The following CUL3 variants were observed in gnomAD, a reference collection of about 807,000 sequenced individuals.
The protein encoded by CUL3 is cullin-3.
A neutral mutation model predicts 89.1 loss-of-function variants in CUL3; 19 were observed. The ratio of observed to expected loss-of-function variants is 0.21; its 90% CI spans 0.15 to 0.31. The LOEUF (loss-of-function observed/expected upper bound fraction) is 0.31, where lower values mean the gene tolerates loss of function less well. Among genes scored for constraint, CUL3 ranks in the 10% least tolerant of loss-of-function variants. CUL3 has a pLI of 1.00. For synonymous variants in CUL3, 351 were observed against 308.4 expected (o/e 1.14, Z -1.45); for missense variants, 469 against 942.3 (o/e 0.50, Z 6.58).
At chr2:224,530,285 A>G (rs1285579536) in intron 3 of CUL3, among the ~76,000 whole-genome samples, 1 of 152,124 alleles carries the variant, frequency 6.6e-6, no homozygotes, top group African/African-American at 2.4e-5. Flanking sequence ...AAAGTCAGCT[A>G]GCTGATTAGG....
At chr2:224,537,541 A>G (rs1478501944) in intron 2 of CUL3, among the ~76,000 whole-genome samples, 1 of 152,174 alleles carries the variant, frequency 6.6e-6, no homozygotes, top group Non-Finnish European at 1.5e-5. Flanking sequence ...AACTCATTAA[A>G]TCTAGCACTT....
chr2:224,519,573 G>A (rs1693186752), intron 3 of CUL3, among the ~76,000 whole-genome samples: 1 of 152,092 alleles, frequency 6.6e-6, no homozygotes, highest in Admixed American at 6.5e-5. Context: ...ATAAAAAAGA[G>A]CTAATAAATG....
chr2:224,512,270 G>T (rs1031393754), intron 5 of CUL3, among the ~76,000 whole-genome samples: 1 of 151,836 alleles, frequency 6.6e-6, no homozygotes, highest in African/African-American at 2.4e-5. Flanking sequence ...TAATTTTTTT[G>T]TATTTTTAGT....
chr2:224,499,131 G>A (rs988560511), intron 11 of CUL3, among the ~76,000 whole-genome samples: 2 of 152,124 alleles, frequency 1.3e-5, no homozygotes, highest in African/African-American at 4.8e-5. Flanking sequence ...TTTAAGTGTA[G>A]GCAAGTCGAA....
rs181305962 is a variant in CUL3, at chr2:224,507,797, T to C, written c.884-794A>G. 6.6e-5 allele frequency among the ~76,000 whole-genome samples: 10 copies of C among 152,300 alleles called. 1 individual carries two copies. In the East Asian group the frequency reaches 1.9e-3, roughly 29 times the overall value. The stretch of plus-strand genomic sequence containing the variant: ...GTTTTCCCATATGTCTAGTGTTTCT[T>C]TGCAATAACAACTTACTGGGAGAAC... On this transcript the variant is annotated intron_variant, in intron 6 of 15. Coordinates refer to ENST00000264414, the MANE Select transcript of CUL3 (RefSeq NM_003590.5).
At chr2:224,513,464 T>C in intron 5 of CUL3, 60 bp downstream of exon 5, 1 of 1,128,018 alleles carries the variant, frequency 8.9e-7, no homozygotes, top group Non-Finnish European at 1.3e-6. Context: ...AATTAGTAAC[T>C]ATATTAAATA....
intron 1 of CUL3, among the ~76,000 whole-genome samples, chr2:224,568,619 T>C (rs1217908644): frequency 6.6e-6 from 1 of 152,234 alleles, no homozygotes. Flanking sequence ...TAACACACTT[T>C]TAAATTTTAC....
intron 13 of CUL3, among the ~76,000 whole-genome samples, chr2:224,492,398 A>C (rs192051367): frequency 4.6e-5 from 7 of 152,284 alleles, no homozygotes; most frequent in Admixed American, 3.9e-4. Flanking sequence ...ACTACTGTTA[A>C]GTTTTCTATT....
intron 6 of CUL3, 67 bp from the exon 7 acceptor site, chr2:224,507,070 C>T (rs866466712): frequency 2.8e-5 from 40 of 1,422,456 alleles, no homozygotes; most frequent in Admixed American, 4.3e-5. Flanking sequence ...TCTCTGTTCA[C>T]GCTATAATAC....
At chr2:224,558,002 A>G (rs1034117076) in intron 1 of CUL3, 146 bp from the exon 2 acceptor site, 5 of 545,322 alleles carry the variant, frequency 9.2e-6, no homozygotes, top group Non-Finnish European at 1.3e-5. Flanking sequence ...AACATTAACA[A>G]CCTATTTTAA....
chr2:224,505,164 T>A (rs1437397885), intron 8 of CUL3, among the ~76,000 whole-genome samples: 1 of 141,232 alleles, frequency 7.1e-6, no homozygotes, highest in Non-Finnish European at 1.5e-5. Flanking sequence ...TGAGACGGAG[T>A]TTCGCTATTG....
intron 6 of CUL3, among the ~76,000 whole-genome samples, chr2:224,509,212 C>A (rs562083430): frequency 6.6e-6 from 1 of 151,852 alleles, no homozygotes; most frequent in Admixed American, 6.6e-5. Context: ...AAAAATTAAC[C>A]CCCCCACCTT....
intron 13 of CUL3, among the ~76,000 whole-genome samples, chr2:224,483,093 C>T (rs945409719): frequency 6.6e-6 from 1 of 152,148 alleles, no homozygotes; most frequent in African/African-American, 2.4e-5. Flanking sequence ...TATTCATTTT[C>T]TTCAAATAAT....
At chr2:224,582,687 T>C (rs562819822) in intron 1 of CUL3, among the ~76,000 whole-genome samples, 1 of 152,306 alleles carries the variant, frequency 6.6e-6, no homozygotes, top group Admixed American at 6.5e-5. Context: ...GTTCCAGTAC[T>C]ATGTGGTAAC....
chr2:224,540,036 T>C (rs1290426148), intron 2 of CUL3, among the ~76,000 whole-genome samples: 1 of 147,752 alleles, frequency 6.8e-6, no homozygotes, highest in Non-Finnish European at 1.5e-5. Context: ...ATTTGGGAAA[T>C]CTTAGTACCT....
intron 13 of CUL3, among the ~76,000 whole-genome samples, chr2:224,488,919 C>A: frequency 6.6e-6 from 1 of 152,182 alleles, no homozygotes; most frequent in East Asian, 1.9e-4. Context: ...CCACCATAAT[C>A]AAGTTGGCTT....
At chr2:224,521,432 T>A (rs1033447283) in intron 3 of CUL3, among the ~76,000 whole-genome samples, 2 of 151,644 alleles carry the variant, frequency 1.3e-5, no homozygotes, top group Non-Finnish European at 2.9e-5. Flanking sequence ...GTTTCATACT[T>A]CTTTTTTTTT....
intron 8 of CUL3, among the ~76,000 whole-genome samples, chr2:224,505,362 C>G (rs1363945047): frequency 6.6e-6 from 1 of 152,126 alleles, no homozygotes; most frequent in Admixed American, 6.5e-5. Flanking sequence ...GTCTCAAACT[C>G]CCAACCTCAG....
rs547463532 is a variant in CUL3 at position 224,512,297 on chromosome 2, C to T, written c.655-715G>A. On this transcript the variant is annotated intron_variant, in intron 5 of 15. Transcript: ENST00000264414. Reference sequence around the variant, plus strand: ...ATTTTTAGTAGAAATGGGGTTTCACCGTGTTAGCCAGGATGGTCTCAATCT... The same window carrying T: ...ATTTTTAGTAGAAATGGGGTTTCACTGTGTTAGCCAGGATGGTCTCAATCT... Among the ~76,000 whole-genome samples, 13 of 152,110 alleles carry T rather than the reference C, an allele frequency of 8.5e-5. No individual in the cohort carries two copies. The South Asian group carries it at 1.0e-3, about 12-fold the overall frequency.
Sources: allele counts gnomAD v4.1 joint callset (sites outside exome capture counted in the v4.1 genomes callset), GRCh38; gene constraint gnomAD v4.1.1; transcripts MANE v1.5; gene names NCBI Gene and HGNC (gene_info 2026-07-23, HGNC 2026-07-21).